The following PPP2R2B variants were observed in gnomAD, a reference collection of about 807,000 sequenced individuals.
The protein encoded by PPP2R2B is protein phosphatase 2 regulatory subunit Bbeta.
A neutral mutation model predicts 46.0 loss-of-function variants in PPP2R2B; 5 were observed. The ratio of observed to expected loss-of-function variants is 0.11; its 90% CI spans 0.06 to 0.23. The LOEUF (loss-of-function observed/expected upper bound fraction) is 0.23, where lower values mean the gene tolerates loss of function less well. Among genes scored for constraint, PPP2R2B ranks in the 10% least tolerant of loss-of-function variants. PPP2R2B has a pLI of 1.00. For missense variants in PPP2R2B, 367 were observed against 575.0 expected (o/e 0.64, Z 3.70); for synonymous variants, 215 against 206.7 (o/e 1.04, Z -0.34).
Position 146,878,724 on chromosome 5 carries a change from C to A in PPP2R2B, c.-258G>T, listed in dbSNP as rs1223377488. The A allele has an allele frequency of 1.5e-5, 11 of 750,398 alleles. No homozygotes were observed. The highest frequency in any genetic ancestry group is 1.8e-5 in the Non-Finnish European group (11 of 602,022). The allele number at this position is 750,398 out of a possible 1,614,324, so 46.5% of individuals were successfully genotyped here. Reference sequence around the variant, plus strand: ...ACCCTCACACCCACACGCGCGCACTCGCAGCTGCTGCTGCTGCTGCTGCTG... The same window carrying A: ...ACCCTCACACCCACACGCGCGCACTAGCAGCTGCTGCTGCTGCTGCTGCTG... On this transcript the variant is annotated 5_prime_UTR_variant, in exon 1 of 10. Coordinates refer to ENST00000394411, the MANE Select transcript of PPP2R2B (RefSeq NM_181675.4). This position sits in a 1 kb window ranked among gnomAD's most constrained non-coding sequence, Gnocchi z 4.5.
intron 1 of PPP2R2B, among the ~76,000 whole-genome samples, chr5:146,988,385 C>A (rs1187549849): frequency 1.3e-5 from 2 of 151,924 alleles, no homozygotes; most frequent in African/African-American, 2.4e-5. Context: ...CAAGTCTTCA[C>A]AAATGTTACA....
chr5:146,956,314 T>G (rs1048107141), intron 1 of PPP2R2B, among the ~76,000 whole-genome samples: 7 of 152,246 alleles, frequency 4.6e-5, no homozygotes, highest in Middle Eastern at 3.4e-3. Flanking sequence ...TGGAAAAAAC[T>G]TTGCCTGAAT....
chr5:146,779,838 G>A (rs1755400938), intron 2 of PPP2R2B, among the ~76,000 whole-genome samples: 1 of 152,072 alleles, frequency 6.6e-6, no homozygotes, highest in South Asian at 2.1e-4. Context: ...TCAGTTTAAT[G>A]CCTGTAATAC....
chr5:147,067,000 T>G (rs946837929), intron 2 of PPP2R2B, among the ~76,000 whole-genome samples: 2 of 152,166 alleles, frequency 1.3e-5, no homozygotes, highest in African/African-American at 4.8e-5. Context: ...AAACAGCTGA[T>G]TGATAAAATA....
chr5:146,670,536 C>T (rs186197914), intron 5 of PPP2R2B, among the ~76,000 whole-genome samples: 1 of 151,602 alleles, frequency 6.6e-6, no homozygotes, highest in African/African-American at 2.4e-5. Context: ...TGCTCTGTGA[C>T]CCAGGTTGCA....
chr5:146,963,012 A>T (rs573790508), intron 1 of PPP2R2B, among the ~76,000 whole-genome samples: 74 of 152,324 alleles, frequency 4.9e-4, no homozygotes, highest in African/African-American at 1.8e-3. Context: ...GTGCTGACTC[A>T]TCTTTGAGAT....
rs548109985 is a variant in PPP2R2B at position 147,000,898 on chromosome 5, G to A, written c.79+54767C>T. 1.9e-3 allele frequency among the ~76,000 whole-genome samples: 292 copies of A among 152,140 alleles called. 1 individual carries two copies. The highest frequency in any genetic ancestry group is 6.8e-3 in the African/African-American group (282 of 41,522). On this transcript the variant is annotated intron_variant, in intron 1 of 8. Coordinates refer to the PPP2R2B transcript ENST00000336640. ...AGGGGAATCTTTATGTTTCTTCAAG[G>A]CAGCATATTATAAATCAAGTTACAC...
At position 147,047,133 on chromosome 5, in the gene PPP2R2B, C is replaced by A. The variant is rs549556102; in HGVS notation, c.79+8532G>T. 1.1e-3 allele frequency among the ~76,000 whole-genome samples: 173 copies of A among 152,114 alleles called. 1 individual carries two copies. The highest frequency in any genetic ancestry group is 3.4e-3 in the Middle Eastern group (1 of 294). The stretch of plus-strand genomic sequence containing the variant: ...GCAGGCCCAGGGTTCTTCCTATCAC[C>A]ATGTTGTATCAAAACACACAAGCAT... On this transcript the variant is annotated intron_variant, in intron 1 of 8. Coordinates refer to the PPP2R2B transcript ENST00000336640.
At position 146,985,347 on chromosome 5, in the gene PPP2R2B, ATAGGT is replaced by A. The variant is rs1339247210; in HGVS notation, c.79+70313_79+70317del. Among the ~76,000 whole-genome samples the A allele has an allele frequency of 2.6e-5, 4 of 152,214 alleles. No homozygotes were observed. In the East Asian group the frequency reaches 7.7e-4, roughly 29 times the overall value. ...GTTTGCAAATATTTTCTTCTCATCCATAGGTTGTCTCTTTACATGGTTAGTTGTTT... is the reference window on the plus strand; with the variant it reads ...GTTTGCAAATATTTTCTTCTCATCCATGTCTCTTTACATGGTTAGTTGTTT... On this transcript the variant is annotated intron_variant, in intron 1 of 8. Transcript: ENST00000336640.
At chr5:146,760,742 C>G (rs1324291740) in intron 2 of PPP2R2B, among the ~76,000 whole-genome samples, 1 of 152,130 alleles carries the variant, frequency 6.6e-6, no homozygotes, top group South Asian at 2.1e-4. Flanking sequence ...GGTGCTTTTT[C>G]AAACTTCACT....
At chr5:146,664,778 G>GT (rs1490732552) in intron 5 of PPP2R2B, among the ~76,000 whole-genome samples, 1 of 152,120 alleles carries the variant, frequency 6.6e-6, no homozygotes, top group Non-Finnish European at 1.5e-5. Context: ...CTTTCAAAAC[G>GT]TATTTCTCAA....
At chr5:146,893,119 C>T (rs1359753378) in intron 1 of PPP2R2B, among the ~76,000 whole-genome samples, 1 of 152,148 alleles carries the variant, frequency 6.6e-6, no homozygotes, top group Non-Finnish European at 1.5e-5. Context: ...CCATTTATTC[C>T]CTCGTGATGT....
chr5:146,931,811 G>A (rs956711412), intron 1 of PPP2R2B, among the ~76,000 whole-genome samples: 1 of 152,064 alleles, frequency 6.6e-6, no homozygotes, highest in Non-Finnish European at 1.5e-5. Context: ...GACTATAAAT[G>A]GAAAACACTT....
chr5:146,590,322 G>T, intron 9 of PPP2R2B, 96 bp from the exon 10 acceptor site: 6 of 1,306,542 alleles, frequency 4.6e-6, no homozygotes, highest in East Asian at 5.2e-5. Context: ...GACACCATAG[G>T]TTTTATTAAA....
chr5:147,078,992 A>T (rs2151914077), intron 2 of PPP2R2B, among the ~76,000 whole-genome samples: 1 of 152,056 alleles, frequency 6.6e-6, no homozygotes, highest in Non-Finnish European at 1.5e-5. Flanking sequence ...AGAGTAGGTC[A>T]TTTTTTTCTT....
At chr5:146,697,862 T>C (rs1409935825) in intron 4 of PPP2R2B, 117 bp downstream of exon 4, 1 of 1,011,572 alleles carries the variant, frequency 9.9e-7, no homozygotes, top group African/African-American at 1.7e-5. Context: ...TTGCAAATGT[T>C]ATTTCTAAGT....
At chr5:146,699,345 T>C (rs114637548) in intron 3 of PPP2R2B, among the ~76,000 whole-genome samples, 2,036 of 152,272 alleles carry the variant, frequency 0.013, 52 homozygotes, top group African/African-American at 0.047. Flanking sequence ...TGATGTCACA[T>C]GGGTTTGTTT....
chr5:146,936,483 A>C (rs545795355), intron 1 of PPP2R2B, among the ~76,000 whole-genome samples: 16 of 151,620 alleles, frequency 1.1e-4, no homozygotes, highest in South Asian at 8.4e-4. Context: ...AAAAAAAAAA[A>C]AACCCTAGAC....
intron 2 of PPP2R2B, among the ~76,000 whole-genome samples, chr5:146,754,131 A>G (rs1270111741): frequency 1.3e-5 from 2 of 152,172 alleles, no homozygotes; most frequent in African/African-American, 4.8e-5. Context: ...GTGTCAGATG[A>G]AGGATGATTG....
Sources: allele counts gnomAD v4.1 joint callset (sites outside exome capture counted in the v4.1 genomes callset), GRCh38; gene constraint gnomAD v4.1.1; non-coding constraint Gnocchi (gnomAD v3.1); transcripts MANE v1.5; gene names NCBI Gene and HGNC (gene_info 2026-07-23, HGNC 2026-07-21).